TUBGCP5: variants seen among roughly 807,000 people sequenced by gnomAD.
The protein encoded by TUBGCP5 is tubulin gamma complex component 5, also known as gamma-tubulin complex component 5.
Under a neutral mutation model 134.7 loss-of-function variants are expected in TUBGCP5, and 98 were observed. The observed-to-expected ratio is 0.73, with a 90% CI of 0.62 to 0.86. The LOEUF (loss-of-function observed/expected upper bound fraction) is 0.86, where lower values mean the gene tolerates loss of function less well. Among genes scored for constraint, TUBGCP5 ranks in the 40% least tolerant of loss-of-function variants. The pLI, the probability that TUBGCP5 is intolerant of heterozygous loss-of-function variation, is 0.00. For synonymous variants in TUBGCP5, 456 were observed against 431.4 expected (o/e 1.06, Z -0.71); for missense variants, 1,150 against 1,244.8 (o/e 0.92, Z 1.15).
rs2064861735 is a variant in TUBGCP5, at chr15:23,008,641, T to C, written c.2327+58A>G. 3.9e-6 allele frequency: 6 copies of C among 1,534,680 alleles called. No homozygotes were observed. The Admixed American group carries it at 1.1e-4, about 27-fold the overall frequency. Reference sequence around the variant, plus strand: ...ATAATATGTGTAATTCATAGAAGACTTACTGGCACATAGTTCATGTTACAC... The same window carrying C: ...ATAATATGTGTAATTCATAGAAGACCTACTGGCACATAGTTCATGTTACAC... On this transcript the variant is annotated intron_variant, in intron 16 of 22. Transcript: ENST00000615383.
intron 11 of TUBGCP5, among the ~76,000 whole-genome samples, chr15:23,020,584 C>CAAAAAAAAAAAAAAAAAAAAAAAA: frequency 1.3e-5 from 1 of 76,242 alleles, no homozygotes; most frequent in Non-Finnish European, 2.5e-5. Context: ...GACTACGTCT[C>CAAAAAAAAAAAAAAAAAAAAAAAA]AAAAAAAAAA....
At chr15:23,023,784 A>G (rs1423084815) in intron 10 of TUBGCP5, 163 bp downstream of exon 10, 11 of 647,930 alleles carry the variant, frequency 1.7e-5, no homozygotes, top group Non-Finnish European at 2.6e-5. Flanking sequence ...TTTTAGAGAT[A>G]TGAATGGCTT....
chr15:22,983,634 A>G (rs1188655596), intron 23 of TUBGCP5: 1 of 152,052 alleles, frequency 6.6e-6, no homozygotes, highest in Non-Finnish European at 1.5e-5. Context: ...AAATAAATAA[A>G]TTAGACACAG....
intron 23 of TUBGCP5, among the ~76,000 whole-genome samples, chr15:22,992,327 T>A (rs574425830): frequency 1.3e-5 from 2 of 152,190 alleles, no homozygotes; most frequent in Admixed American, 1.3e-4. Context: ...CTCCCAAACC[T>A]CCTGTGGACA....
rs1555439436 is a variant in TUBGCP5, at chr15:23,016,969, G to GATATGTATATATATATAT, written c.1756+803_1756+804insATATATATATATACATAT. 2.7e-4 allele frequency among the ~76,000 whole-genome samples: 29 copies of GATATGTATATATATATAT among 109,426 alleles called. 1 individual carries two copies. Among genetic ancestry groups the GATATGTATATATATATAT allele is most frequent in the African/African-American group, 9.7e-4 (27 of 27,808 alleles). 71.8% of individuals were successfully genotyped at this position (109,426 alleles called of 152,430 possible). A position where few individuals can be genotyped will look rare whatever the true frequency, so the allele number is the denominator to read the frequency against. On this transcript the variant is annotated intron_variant, in intron 13 of 22. Coordinates refer to ENST00000615383, the MANE Select transcript of TUBGCP5 (RefSeq NM_052903.6). ...AGATGAATGGGTAAAAAAATTGTGA[G>GATATGTATATATATATAT]ATATATATATATATATATGTATATA...
intron 23 of TUBGCP5, among the ~76,000 whole-genome samples, chr15:22,992,863 A>G (rs60410530): frequency 0.13 from 20,422 of 152,062 alleles, 1,786 homozygotes; most frequent in East Asian, 0.45. Context: ...GATTTTCCAA[A>G]CAAAGTATTC....
rs374656997 is a variant in TUBGCP5 at position 23,016,353 on chromosome 15, G to A, written c.1756+1420C>T. Among the ~76,000 whole-genome samples the A allele has an allele frequency of 7.2e-5, 11 of 152,092 alleles. No individual in the cohort carries two copies. The East Asian group carries it at 1.4e-3, about 19-fold the overall frequency. On this transcript the variant is annotated intron_variant, in intron 13 of 22. Transcript: ENST00000615383. ...ACTAAAAACACAAAAAATCAGCCGG[G>A]TGTGGTGGCGGGTGCCTATAATCCC...
At chr15:23,001,556 T>C (rs966725387) in intron 21 of TUBGCP5, among the ~76,000 whole-genome samples, 6 of 152,160 alleles carry the variant, frequency 3.9e-5, no homozygotes, top group African/African-American at 1.4e-4. Context: ...TTGGTCAGGC[T>C]GGTCTCGAAC....
Position 23,009,965 on chromosome 15 carries a change from T to C in TUBGCP5, c.2124A>G (p.Gln708=). Residue 708 remains glutamine, a synonymous_variant, in exon 15 of 23, where the codon CAA becomes CAG. Transcript: ENST00000615383. ...TTTACCTGTAATCTTTTTTTAGAGTTTGCATGAGATTTCCACAGCAATCTA... is the reference window on the plus strand; with the variant it reads ...TTTACCTGTAATCTTTTTTTAGAGTCTGCATGAGATTTCCACAGCAATCTA... ...QYLDCCGNLM[Q]TLKKDYRLVE... The C allele has an allele frequency of 6.2e-7, 1 of 1,613,236 alleles. No individual in the cohort carries two copies. The highest frequency in any genetic ancestry group is 8.5e-7 in the Non-Finnish European group (1 of 1,179,584).
At position 23,019,312 on chromosome 15, in the gene TUBGCP5, C is replaced by G; in HGVS notation, c.1394G>C (p.Trp465Ser). The G allele has an allele frequency of 6.2e-7, 1 of 1,613,830 alleles. No homozygotes were observed. The highest frequency in any genetic ancestry group is 8.5e-7 in the Non-Finnish European group (1 of 1,179,888). Residue 465 changes from tryptophan to serine, a missense_variant, in exon 12 of 23, where the codon TGG (tryptophan) becomes TCG (serine). Trp to Ser is a radical substitution (Grantham distance 177). This residue lies in a region of TUBGCP5 where 697 missense variants were observed against 850.1 expected (regional missense o/e 0.82). Transcript: ENST00000615383. The stretch of plus-strand genomic sequence containing the variant: ...CAGGTAAGGCCGCACCGTTTCCACC[C>G]AGAGAGAGAAAAGGAGGGAGACCTG... Reference protein sequence around the residue: ...EQTVSLLFSLWVETVRPYLQT... With the variant: ...EQTVSLLFSLSVETVRPYLQT...
chr15:23,003,570 T>A (rs1347195377), intron 20 of TUBGCP5, among the ~76,000 whole-genome samples: 1 of 150,672 alleles, frequency 6.6e-6, no homozygotes, highest in Non-Finnish European at 1.5e-5. Flanking sequence ...GTGTTGACTA[T>A]CACACATAGT....
At chr15:23,011,490 T>C (rs2065030084) in intron 13 of TUBGCP5, among the ~76,000 whole-genome samples, 159 bp from the exon 14 acceptor site, 1 of 148,366 alleles carries the variant, frequency 6.7e-6, no homozygotes, top group African/African-American at 2.4e-5. Flanking sequence ...TATATATATT[T>C]ATATATAGTA....
At chr15:22,989,492 C>T (rs982217735) in intron 23 of TUBGCP5, among the ~76,000 whole-genome samples, 1 of 152,164 alleles carries the variant, frequency 6.6e-6, no homozygotes, top group Non-Finnish European at 1.5e-5. Flanking sequence ...ACTTGGCACC[C>T]ATACATATCC....
In TUBGCP5 at chr15:22,999,178, G is replaced by C. The variant is rs143916755; in HGVS notation, c.*642C>G. On this transcript the variant is annotated 3_prime_UTR_variant, in exon 23 of 23. Transcript: ENST00000615383. The stretch of plus-strand genomic sequence containing the variant: ...GACAGCAGCAAAAGGATAATAAAAT[G>C]ATTTTAAGTCCTTTAATTTATTTTG... 6.6e-6 allele frequency: 1 copy of C among 152,066 alleles called. No homozygotes were observed. The highest frequency in any genetic ancestry group is 2.4e-5 in the African/African-American group (1 of 41,404). The allele number at this position is 152,066 out of a possible 1,614,324, so 9.4% of individuals were successfully genotyped here.
At chr15:23,029,192 C>A (rs1417162421) in intron 6 of TUBGCP5, among the ~76,000 whole-genome samples, 3 of 152,050 alleles carry the variant, frequency 2.0e-5, no homozygotes. Flanking sequence ...CTCTGCAATC[C>A]CAATAAAAAC....
rs983829504 is a variant in TUBGCP5 at position 23,027,428 on chromosome 15, C to A, written c.623-122G>T. On this transcript the variant is annotated intron_variant, in intron 6 of 22. Transcript: ENST00000615383. ...ATGGCTTTTTAAAAATAACAGCTAC[C>A]TAACATTTATGTATATATGATTATT... 6.4e-5 allele frequency: 47 copies of A among 736,572 alleles called. No homozygotes were observed. The African/African-American group carries it at 7.8e-4, about 12-fold the overall frequency. 45.6% of individuals were successfully genotyped at this position (736,572 alleles called of 1,614,324 possible).
chr15:23,016,488 C>CT lies in TUBGCP5; in HGVS notation c.1756+1284dup, dbSNP rs1491416315. The stretch of plus-strand genomic sequence containing the variant: ...CAGCCTGGGTGATGGGAGTAAAACT[C>CT]TGTCTCAGGAAAAAAAAAAAAAAAA... On this transcript the variant is annotated intron_variant, in intron 13 of 22. Transcript: ENST00000615383. Among the ~76,000 whole-genome samples the CT allele has an allele frequency of 2.8e-5, 4 of 141,268 alleles. No individual in the cohort carries two copies. The East Asian group carries it at 9.2e-4, about 32-fold the overall frequency. The allele number at this position is 141,268 out of a possible 152,430, so 92.7% of individuals were successfully genotyped here.
chr15:23,010,190 T>C (rs1234722683), intron 14 of TUBGCP5, 57 bp from the exon 15 acceptor site: 2 of 1,535,980 alleles, frequency 1.3e-6, no homozygotes, highest in Non-Finnish European at 1.8e-6. Flanking sequence ...AGAACTCTCT[T>C]AAATCAAAAC....
Position 23,013,628 on chromosome 15 carries a change from A to G in TUBGCP5, c.1757-2297T>C, listed in dbSNP as rs1164941582. Among the ~76,000 whole-genome samples the G allele has an allele frequency of 1.3e-5, 2 of 152,126 alleles. No homozygotes were observed. Among genetic ancestry groups the G allele is most frequent in the Non-Finnish European group, 2.9e-5 (2 of 68,010 alleles). ...CCCATTGTAGGGTAAGGGTAAGCAG[A>G]AGAAACCCACCAGCCCCCACAAACA... On this transcript the variant is annotated intron_variant, in intron 13 of 22. Coordinates refer to ENST00000615383, the MANE Select transcript of TUBGCP5 (RefSeq NM_052903.6). The surrounding 1 kb of genome is among the most constrained non-coding windows in gnomAD (Gnocchi z 4.5).
Sources: allele counts gnomAD v4.1 joint callset (sites outside exome capture counted in the v4.1 genomes callset), GRCh38; gene constraint gnomAD v4.1.1; regional missense constraint gnomAD v4.1.1; non-coding constraint Gnocchi (gnomAD v3.1); transcripts MANE v1.5; gene names NCBI Gene and HGNC (gene_info 2026-07-23, HGNC 2026-07-21).